The following PCDHA7 variants were observed in gnomAD, a reference collection of about 807,000 sequenced individuals.
PCDHA7 encodes the protein protocadherin alpha 7.
A neutral mutation model predicts 57.2 loss-of-function variants in PCDHA7; 37 were observed. The ratio of observed to expected loss-of-function variants is 0.65; its 90% CI spans 0.50 to 0.85. The LOEUF (loss-of-function observed/expected upper bound fraction) is 0.85, where lower values mean the gene tolerates loss of function less well. Among genes scored for constraint, PCDHA7 ranks in the 40% least tolerant of loss-of-function variants. PCDHA7 has a pLI of 0.00. For synonymous variants in PCDHA7, 553 were observed against 558.8 expected, an observed-to-expected ratio of 0.99 and a Z score of 0.15; for missense variants, 1,188 against 1,241.8, an observed-to-expected ratio of 0.96 and a Z score of 0.65.
intron 1 of PCDHA7, chr5:140,883,267 T>C: frequency 6.2e-7 from 1 of 1,614,048 alleles, no homozygotes. Flanking sequence ...TGGCGGGTCA[T>C]TGTACCCTTT....
At position 141,009,800 on chromosome 5, in the gene PCDHA7, A is replaced by G. The variant is rs148436868; in HGVS notation, c.2677A>G (p.Ser893Gly). The stretch of plus-strand genomic sequence containing the variant: ...CTCCATCCGGCAGGAGCCTACTAAC[A>G]GCCAAATTGACAAAAGTGACTTCAT... ...IISIRQEPTN[S>G]QIDKSDFITF... The change falls in exon 4 of 4, where the codon AGC (serine) becomes GGC (glycine). Residue 893 changes from serine to glycine, a missense_variant. By Grantham distance (56) the Ser-to-Gly change is moderately conservative (BLOSUM62 0). Coordinates refer to ENST00000525929, the MANE Select transcript of PCDHA7 (RefSeq NM_018910.3). 1.2e-4 allele frequency: 190 copies of G among 1,614,158 alleles called. No individual in the cohort carries two copies. In the African/African-American group the frequency reaches 2.3e-3, roughly 19 times the overall value.
In PCDHA7 at chr5:140,862,942, G is replaced by A. The variant is rs75462656; in HGVS notation, c.2355+26204G>A. 1.6e-3 allele frequency: 859 copies of A among 542,058 alleles called. 16 individuals carry two copies. In the East Asian group the frequency reaches 0.034, roughly 22 times the overall value. The allele number at this position is 542,058 out of a possible 1,614,324, so 33.6% of individuals were successfully genotyped here. ...GGTGGGCTGGCGGCGCTGTGAGTGA[G>A]CTGGTGCGGTATTCAGTGGATGCAG... On this transcript the variant is annotated intron_variant, in intron 1 of 3. Transcript: ENST00000525929.
At chr5:140,972,783 C>T (rs1437997582) in intron 1 of PCDHA7, among the ~76,000 whole-genome samples, 2 of 151,768 alleles carry the variant, frequency 1.3e-5, no homozygotes, top group African/African-American at 4.8e-5. Context: ...TCTGCCTCAG[C>T]CTCCTGAGTA....
At chr5:140,863,386 T>A in intron 1 of PCDHA7, 1 of 1,032,574 alleles carries the variant, frequency 9.7e-7, no homozygotes, top group Non-Finnish European at 1.4e-6. Context: ...CGAGAGCTCG[T>A]GCATGCCGGG....
At chr5:140,990,354 G>GA (rs1554251439) in intron 3 of PCDHA7, among the ~76,000 whole-genome samples, 1 of 152,158 alleles carries the variant, frequency 6.6e-6, no homozygotes, top group Non-Finnish European at 1.5e-5. Context: ...GCCCTGTACA[G>GA]AAAATCTAAT....
chr5:140,929,330 G>T, intron 1 of PCDHA7: 1 of 1,535,218 alleles, frequency 6.5e-7, no homozygotes. Context: ...GCCATGGTAA[G>T]CAAATTTTAT....
chr5:140,919,115 T>G (rs2079009343), intron 1 of PCDHA7, among the ~76,000 whole-genome samples: 1 of 152,228 alleles, frequency 6.6e-6, no homozygotes, highest in Non-Finnish European at 1.5e-5. Context: ...TTCTGCCAGT[T>G]TTTGCTTCAT....
In PCDHA7 at chr5:140,919,817, T is replaced by C. The variant is rs889103078; in HGVS notation, c.2356-59132T>C. Among the ~76,000 whole-genome samples the C allele has an allele frequency of 4.6e-5, 7 of 152,350 alleles. No homozygotes were observed. In the South Asian group the frequency reaches 1.0e-3, roughly 23 times the overall value. On this transcript the variant is annotated intron_variant, in intron 1 of 3. Coordinates refer to ENST00000525929, the MANE Select transcript of PCDHA7 (RefSeq NM_018910.3). ...TGGATTGAATTGTGGGCCTCAAAAA[T>C]ATATGTCCACATAGTAACCTTTGGA...
chr5:140,931,693 A>G (rs1001252056), intron 1 of PCDHA7, among the ~76,000 whole-genome samples: 1 of 152,004 alleles, frequency 6.6e-6, no homozygotes, highest in African/African-American at 2.4e-5. Context: ...ATTGTGATTC[A>G]TAAAACCATG....
intron 3 of PCDHA7, among the ~76,000 whole-genome samples, chr5:141,005,570 C>T (rs2098221993): frequency 6.6e-6 from 1 of 151,052 alleles, no homozygotes; most frequent in African/African-American, 2.4e-5. Context: ...GGCATGGTGG[C>T]GCGTGCCTGT....
intron 1 of PCDHA7, chr5:140,857,025 A>G: frequency 6.3e-7 from 1 of 1,596,330 alleles, no homozygotes; most frequent in Non-Finnish European, 8.6e-7. Flanking sequence ...GATAAGGGAA[A>G]CCCACCTATG....
Position 140,836,689 on chromosome 5 carries a change from T to C in PCDHA7, c.2306T>C (p.Leu769Pro). Residue 769 changes from leucine to proline, a missense_variant, in exon 1 of 4, where the codon CTC becomes CCC. Coordinates refer to ENST00000525929, the MANE Select transcript of PCDHA7 (RefSeq NM_018910.3). ...CSGEGPPKTD[L>P]MAFSPSLPQG... The stretch of plus-strand genomic sequence containing the variant: ...GGGGAGGGCCCACCCAAGACAGACC[T>C]CATGGCCTTCAGTCCCAGCCTTCCT... 1 of 1,613,456 alleles carries C rather than the reference T, an allele frequency of 6.2e-7. No individual in the cohort carries two copies.
chr5:140,981,943 G>A (rs1207723761), intron 2 of PCDHA7, among the ~76,000 whole-genome samples: 2 of 152,116 alleles, frequency 1.3e-5, no homozygotes, highest in Non-Finnish European at 2.9e-5. Flanking sequence ...GGAAATATAG[G>A]GTGGGTCATC....
intron 3 of PCDHA7, among the ~76,000 whole-genome samples, chr5:140,984,330 A>C (rs2097097334): frequency 6.6e-6 from 1 of 152,204 alleles, no homozygotes; most frequent in Admixed American, 6.5e-5. Context: ...CAAATGTGGA[A>C]TAGGAACCAT....
At chr5:140,938,333 T>G (rs2092022298) in intron 1 of PCDHA7, among the ~76,000 whole-genome samples, 1 of 152,248 alleles carries the variant, frequency 6.6e-6, no homozygotes, top group Non-Finnish European at 1.5e-5. Context: ...GTAATGTTAA[T>G]GGATAATCTT....
chr5:140,876,620 G>A lies in PCDHA7; in HGVS notation c.2355+39882G>A, dbSNP rs782423759. The A allele has an allele frequency of 1.1e-5, 18 of 1,614,062 alleles. No homozygotes were observed. The highest frequency in any genetic ancestry group is 1.7e-5 in the Admixed American group (1 of 60,010). Reference sequence around the variant, plus strand: ...TCGGATCGTGACTCTGGAGCCAATGGACAGGTCATCTGCTCACTGACACCT... The same window carrying A: ...TCGGATCGTGACTCTGGAGCCAATGAACAGGTCATCTGCTCACTGACACCT... On this transcript the variant is annotated intron_variant, in intron 1 of 3. Coordinates refer to ENST00000525929, the MANE Select transcript of PCDHA7 (RefSeq NM_018910.3).
chr5:140,959,876 G>A (rs1335764869), intron 1 of PCDHA7, among the ~76,000 whole-genome samples: 1 of 152,134 alleles, frequency 6.6e-6, no homozygotes. Context: ...ATCTGTCAAG[G>A]AATACACGAG....
chr5:140,900,381 G>A lies in PCDHA7; in HGVS notation c.2355+63643G>A, dbSNP rs149167159. 1.2e-4 allele frequency among the ~76,000 whole-genome samples: 19 copies of A among 152,024 alleles called. 1 individual carries two copies. The East Asian group carries it at 2.1e-3, about 17-fold the overall frequency. ...CAACCTCTGCCTCCTGGGTTCAAGC[G>A]ATTCTCCTGCCTCAGCCTCCCAAGT... is the stretch of plus-strand genomic sequence containing the variant. On this transcript the variant is annotated intron_variant, in intron 1 of 3. Transcript: ENST00000525929.
intron 1 of PCDHA7, among the ~76,000 whole-genome samples, chr5:140,912,823 G>C (rs2076078264): frequency 6.6e-6 from 1 of 152,090 alleles, no homozygotes; most frequent in Non-Finnish European, 1.5e-5. Context: ...AAGGGATTTT[G>C]AATTTTATTA....
Sources: gnomAD v4.1 joint callset for allele counts (sites outside exome capture counted in the v4.1 genomes callset) on GRCh38, gnomAD v4.1.1 for gene constraint, MANE v1.5 for transcripts, NCBI Gene and HGNC (gene_info 2026-07-23, HGNC 2026-07-21) for gene names.